MIDEAS: variants seen among roughly 807,000 people sequenced by gnomAD.
The protein encoded by MIDEAS is mitotic deacetylase-associated SANT domain protein.
MIDEAS carries 26 observed loss-of-function variants against 102.7 expected under a neutral mutation model. The observed-to-expected ratio is 0.25, with a 90% CI of 0.19 to 0.35. The LOEUF is 0.35. Ranked by LOEUF, MIDEAS falls within the 10% of genes least tolerant of loss-of-function variation. The pLI is 1.00. For synonymous variants in MIDEAS, 585 were observed against 591.0 expected (o/e 0.99, Z 0.15); for missense variants, 1,231 against 1,435.6 (o/e 0.86, Z 2.30).
chr14:73,781,721 C>T lies in MIDEAS; in HGVS notation c.-248+5381G>A, dbSNP rs190043928. On this transcript the variant is annotated intron_variant, in intron 1 of 11. Coordinates refer to the MIDEAS transcript ENST00000394071. ...TGCACTCCAGCCTGGGCAACAAGAG[C>T]GAAACTCTGTCTCAAAAAAAAAAAA... Among the ~76,000 whole-genome samples the T allele has an allele frequency of 3.2e-3, 293 of 91,874 alleles. 1 individual carries two copies. Among genetic ancestry groups the T allele is most frequent in the Middle Eastern group, 0.012 (1 of 84 alleles). 60.3% of individuals were successfully genotyped at this position (91,874 alleles called of 152,430 possible). A position where few individuals can be genotyped will look rare whatever the true frequency, so the allele number is the denominator to read the frequency against.
intron 12 of MIDEAS, 47 bp downstream of exon 12, chr14:73,719,258 G>A (rs1177526011): frequency 2.9e-6 from 2 of 700,984 alleles, no homozygotes; most frequent in Non-Finnish European, 3.6e-6. Context: ...CCCCCTCCGC[G>A]CACCAGCCCG....
chr14:73,720,982 A>C (rs2052981187), intron 11 of MIDEAS, among the ~76,000 whole-genome samples: 1 of 152,152 alleles, frequency 6.6e-6, no homozygotes, highest in Non-Finnish European at 1.5e-5. Context: ...GGTTTTCACA[A>C]AACCTTTTTC....
At chr14:73,744,231 A>G (rs1050523872) in intron 1 of MIDEAS, among the ~76,000 whole-genome samples, 5 of 152,100 alleles carry the variant, frequency 3.3e-5, no homozygotes, top group African/African-American at 9.7e-5. Context: ...CACACCCAAC[A>G]CTGGCTGGCT....
At chr14:73,773,335 G>T in intron 1 of MIDEAS, among the ~76,000 whole-genome samples, 1 of 151,810 alleles carries the variant, frequency 6.6e-6, no homozygotes, top group African/African-American at 2.4e-5. Flanking sequence ...TAATACAATT[G>T]ATTTTCCAGG....
chr14:73,778,797 GATGAT>G (rs929800965), intron 1 of MIDEAS, among the ~76,000 whole-genome samples: 4 of 152,006 alleles, frequency 2.6e-5, no homozygotes, highest in African/African-American at 9.7e-5. Context: ...TGCAATCCTG[GATGAT>G]ATAACTGCAG....
intron 9 of MIDEAS, chr14:73,723,250 T>C (rs1351774458): frequency 6.3e-6 from 1 of 159,164 alleles, no homozygotes; most frequent in Non-Finnish European, 1.4e-5. Context: ...GTTCAAATAA[T>C]TCTCGTGCCT....
At chr14:73,760,697 ACT>A (rs981350624), upstream of MIDEAS, among the ~76,000 whole-genome samples, 6 of 151,854 alleles carry the variant, frequency 4.0e-5, no homozygotes, top group African/African-American at 7.3e-5. This position sits in a 1 kb window ranked among gnomAD's most constrained non-coding sequence, Gnocchi z 4.8. Context: ...TTATTAACAG[ACT>A]CTCCGAGTTT....
chr14:73,767,773 G>A (rs2053604631), intron 1 of MIDEAS, among the ~76,000 whole-genome samples: 1 of 152,262 alleles, frequency 6.6e-6, no homozygotes, highest in Non-Finnish European at 1.5e-5. Flanking sequence ...TGCACTGGGA[G>A]TCATGAGAGA....
In MIDEAS at chr14:73,729,624, G is replaced by T; in HGVS notation, c.2095+16C>A. The T allele has an allele frequency of 6.3e-7, 1 of 1,585,814 alleles. No homozygotes were observed. Among genetic ancestry groups the T allele is most frequent in the Non-Finnish European group, 8.6e-7 (1 of 1,161,304 alleles). On this transcript the variant is annotated intron_variant, in intron 4 of 12. Coordinates refer to ENST00000423556, the MANE Select transcript of MIDEAS (RefSeq NM_001367710.1). ...CAGCCCCGCTCCTGCCAGGGTCGCGGAGGGAGGTCACTCACTAGTCCGGAG... is the reference window on the plus strand; with the variant it reads ...CAGCCCCGCTCCTGCCAGGGTCGCGTAGGGAGGTCACTCACTAGTCCGGAG...
chr14:73,723,018 T>A, intron 9 of MIDEAS, 171 bp from the exon 10 acceptor site: 1 of 624,916 alleles, frequency 1.6e-6, no homozygotes. Context: ...AACAAACCAC[T>A]GATCAATTAA....
At chr14:73,719,936 G>A (rs1415480776) in intron 11 of MIDEAS, among the ~76,000 whole-genome samples, 1 of 151,870 alleles carries the variant, frequency 6.6e-6, no homozygotes, top group Non-Finnish European at 1.5e-5. Flanking sequence ...GGATCTGGTG[G>A]AAGGGACAGA....
intron 10 of MIDEAS, 55 bp from the exon 11 acceptor site, chr14:73,721,564 G>T: frequency 6.5e-7 from 1 of 1,546,610 alleles, no homozygotes; most frequent in Non-Finnish European, 8.9e-7. Flanking sequence ...CACTGCTGTA[G>T]CACAGATTCT....
At chr14:73,745,452 A>G (rs2053339304) in intron 1 of MIDEAS, among the ~76,000 whole-genome samples, 1 of 152,156 alleles carries the variant, frequency 6.6e-6, no homozygotes, top group South Asian at 2.1e-4. Flanking sequence ...CTGGACCTCA[A>G]GACACTAAGG....
chr14:73,762,511 G>T (rs1434156182), upstream of MIDEAS, among the ~76,000 whole-genome samples: 1 of 152,166 alleles, frequency 6.6e-6, no homozygotes, highest in African/African-American at 2.4e-5. Context: ...GGGGAGGAGG[G>T]CTCAAGACTA....
chr14:73,786,054 A>C (rs992273954), intron 1 of MIDEAS, among the ~76,000 whole-genome samples: 1 of 152,210 alleles, frequency 6.6e-6, no homozygotes, highest in South Asian at 2.1e-4. Context: ...CTGTAATTAC[A>C]GGCCGGCAGG....
At chr14:73,768,482 T>C (rs2053610556) in intron 1 of MIDEAS, among the ~76,000 whole-genome samples, 1 of 151,308 alleles carries the variant, frequency 6.6e-6, no homozygotes, top group Non-Finnish European at 1.5e-5. Flanking sequence ...TCACATATTA[T>C]GTTTTATTTT....
At chr14:73,737,448 A>G (rs977733684) in intron 2 of MIDEAS, 151 bp from the exon 3 acceptor site, 1 of 866,606 alleles carries the variant, frequency 1.2e-6, no homozygotes, top group Non-Finnish European at 1.7e-6. Context: ...ACATAGTGAC[A>G]CCTCGTCTCT....
chr14:73,726,848 G>C lies in MIDEAS; in HGVS notation c.2287C>G (p.Arg763Gly), dbSNP rs749787290. 10 of 1,610,916 alleles carry C rather than the reference G, an allele frequency of 6.2e-6. No homozygotes were observed. Among genetic ancestry groups the C allele is most frequent in the Non-Finnish European group, 8.5e-6 (10 of 1,177,554 alleles). ...WQPWEDLESSREKQRQVEDLL... is the reference protein window; with the variant it reads ...WQPWEDLESSGEKQRQVEDLL... ...TCCTCACCTTGCCTCTGCTTCTCCC[G>C]GCTGCTCTCTAGGTCCTCCCATGGC... The change falls in exon 6 of 13, where the codon CGG (arginine) becomes GGG (glycine). Residue 763 changes from arginine (R) to glycine (G), a missense_variant. Around this residue, in one of 5 missense-constraint regions of MIDEAS, gnomAD observed 391 missense variants for 483.0 expected, o/e 0.81. Coordinates refer to ENST00000423556, the MANE Select transcript of MIDEAS (RefSeq NM_001367710.1).
intron 1 of MIDEAS, among the ~76,000 whole-genome samples, chr14:73,776,229 T>G (rs1270583376): frequency 6.6e-6 from 1 of 151,994 alleles, no homozygotes; most frequent in Admixed American, 6.6e-5. Context: ...GCAGGGAGGA[T>G]CCAGATGCCG....
Sources: gnomAD v4.1 joint callset for allele counts (sites outside exome capture counted in the v4.1 genomes callset) on GRCh38, gnomAD v4.1.1 for gene constraint, gnomAD v4.1.1 regional missense constraint, Gnocchi (gnomAD v3.1) non-coding constraint, MANE v1.5 for transcripts, NCBI Gene and HGNC (gene_info 2026-07-23, HGNC 2026-07-21) for gene names.